Variants in PTPRG observed in about 807,000 individuals in gnomAD.
PTPRG encodes receptor-type tyrosine-protein phosphatase gamma.
In PTPRG, 102 loss-of-function variants were observed where a neutral mutation model predicts 165.3. The observed-to-expected ratio is 0.62, with a 90% CI of 0.53 to 0.73. PTPRG has a LOEUF of 0.73. PTPRG is among the 30% of genes least tolerant of loss of function. PTPRG has a pLI of 0.00. For missense variants in PTPRG, 1,866 were observed against 1,861.4 expected, an observed-to-expected ratio of 1.00 and a Z score of -0.05; for synonymous variants, 675 against 669.5, an observed-to-expected ratio of 1.01 and a Z score of -0.13.
intron 6 of PTPRG, among the ~76,000 whole-genome samples, chr3:62,138,081 G>A (rs35808528): frequency 0.048 from 7,361 of 152,250 alleles, 239 homozygotes; most frequent in Non-Finnish European, 0.063. Context: ...CTGCTGCACT[G>A]TATGTTCATT....
intron 2 of PTPRG, among the ~76,000 whole-genome samples, chr3:61,814,237 G>A (rs912588440): frequency 1.3e-5 from 2 of 152,172 alleles, no homozygotes; most frequent in African/African-American, 4.8e-5. Context: ...TTGATGGGGA[G>A]AAAGCTAAGG....
At chr3:61,843,579 T>C (rs182439269) in intron 2 of PTPRG, among the ~76,000 whole-genome samples, 2 of 152,314 alleles carry the variant, frequency 1.3e-5, no homozygotes, top group Non-Finnish European at 2.9e-5. Flanking sequence ...ATTTTAATAA[T>C]GTTGGCAGTT....
rs1054782699 is a variant in PTPRG at position 62,295,901 on chromosome 3, T to C, written c.*2594T>C. The C allele has an allele frequency of 6.6e-6, 1 of 152,106 alleles. No individual in the cohort carries two copies. The highest frequency in any genetic ancestry group is 1.5e-5 in the Non-Finnish European group (1 of 67,994). 9.4% of individuals were successfully genotyped at this position (152,106 alleles called of 1,614,324 possible). Reference sequence around the variant, plus strand: ...CAGAGTTTCAAAGACAGGGTTTTCTTTGAGACATAAGCACATTGCTTAAGT... The same window carrying C: ...CAGAGTTTCAAAGACAGGGTTTTCTCTGAGACATAAGCACATTGCTTAAGT... On this transcript the variant is annotated 3_prime_UTR_variant, in exon 30 of 30. Coordinates refer to ENST00000474889, the MANE Select transcript of PTPRG (RefSeq NM_002841.4).
chr3:61,576,303 A>C (rs1700172174), intron 1 of PTPRG, among the ~76,000 whole-genome samples: 1 of 152,160 alleles, frequency 6.6e-6, no homozygotes. Flanking sequence ...TCATATTCTC[A>C]TTGCTGAAAT....
chr3:61,656,066 G>A (rs969778349), intron 1 of PTPRG, among the ~76,000 whole-genome samples: 4 of 147,482 alleles, frequency 2.7e-5, no homozygotes, highest in African/African-American at 1.0e-4. Flanking sequence ...CATCTCTAAA[G>A]AAAATAAAAT....
intron 1 of PTPRG, among the ~76,000 whole-genome samples, chr3:61,691,102 G>A (rs964748902): frequency 1.3e-5 from 2 of 152,306 alleles, no homozygotes; most frequent in South Asian, 2.1e-4. Context: ...TGTTTAAGAT[G>A]TGGTTGGGTG....
At chr3:61,784,728 C>T (rs767605765) in intron 2 of PTPRG, among the ~76,000 whole-genome samples, 2 of 152,056 alleles carry the variant, frequency 1.3e-5, no homozygotes, top group Non-Finnish European at 2.9e-5. Flanking sequence ...ATATCGTTAC[C>T]AACCAAAATG....
At chr3:61,969,922 C>T (rs9833642) in intron 2 of PTPRG, among the ~76,000 whole-genome samples, 3 of 151,950 alleles carry the variant, frequency 2.0e-5, no homozygotes, top group African/African-American at 7.3e-5. Context: ...GGAAGTACAA[C>T]TTAATATGAA....
At chr3:62,248,728 C>T (rs1701346176) in intron 15 of PTPRG, among the ~76,000 whole-genome samples, 1 of 152,208 alleles carries the variant, frequency 6.6e-6, no homozygotes, top group Non-Finnish European at 1.5e-5. Flanking sequence ...AATATGCATA[C>T]TGTCAGACAC....
chr3:61,958,298 T>G (rs1355719628), intron 2 of PTPRG, among the ~76,000 whole-genome samples: 2 of 151,970 alleles, frequency 1.3e-5, no homozygotes, highest in East Asian at 3.9e-4. Context: ...GGCTAGTTCT[T>G]TTTGTATTTT....
intron 4 of PTPRG, among the ~76,000 whole-genome samples, chr3:62,073,863 A>G (rs750900877): frequency 6.6e-6 from 1 of 152,188 alleles, no homozygotes; most frequent in Non-Finnish European, 1.5e-5. Context: ...ACTGTTCCGG[A>G]TGAAGATGGG....
chr3:61,925,541 C>A (rs1032216101), intron 2 of PTPRG, among the ~76,000 whole-genome samples: 1 of 152,100 alleles, frequency 6.6e-6, no homozygotes, highest in Non-Finnish European at 1.5e-5. Flanking sequence ...GTGAGGAGTT[C>A]GAGACCAGCC....
intron 4 of PTPRG, among the ~76,000 whole-genome samples, chr3:62,017,812 C>T (rs2041590214): frequency 6.6e-6 from 1 of 152,146 alleles, no homozygotes; most frequent in Admixed American, 6.5e-5. Flanking sequence ...CAGATTGTTT[C>T]AATTAGTCAA....
intron 2 of PTPRG, among the ~76,000 whole-genome samples, chr3:61,798,619 G>GTTTTTTTT: frequency 7.8e-6 from 1 of 128,140 alleles, no homozygotes; most frequent in South Asian, 2.6e-4. Context: ...GTTGCTGCTG[G>GTTTTTTTT]TTTTTTTTTT....
At position 61,852,463 on chromosome 3, in the gene PTPRG, A is replaced by G. The variant is rs950025572; in HGVS notation, c.190+103481A>G. Among the ~76,000 whole-genome samples, 3 of 152,232 alleles carry G rather than the reference A, an allele frequency of 2.0e-5. No homozygotes were observed. The South Asian group carries it at 6.2e-4, about 32-fold the overall frequency. On this transcript the variant is annotated intron_variant, in intron 2 of 29. Transcript: ENST00000474889. ...CACAGATCTATGTTTAGACAAACCT[A>G]CTTGCATACTTCGGATTTTCTTACC...
intron 28 of PTPRG, among the ~76,000 whole-genome samples, chr3:62,287,205 C>T (rs1388240126): frequency 2.0e-5 from 3 of 152,080 alleles, no homozygotes; most frequent in Non-Finnish European, 4.4e-5. Flanking sequence ...TAAGTTTAAC[C>T]ATTTCACTAG....
At chr3:61,696,129 C>T (rs1000085827) in intron 1 of PTPRG, among the ~76,000 whole-genome samples, 1 of 152,118 alleles carries the variant, frequency 6.6e-6, no homozygotes, top group African/African-American at 2.4e-5. Flanking sequence ...ACTTGTAGTA[C>T]CCCAAAATTC....
chr3:61,759,860 C>G (rs1215072421), intron 2 of PTPRG, among the ~76,000 whole-genome samples: 1 of 151,600 alleles, frequency 6.6e-6, no homozygotes, highest in Non-Finnish European at 1.5e-5. Context: ...TAACATCTCT[C>G]TGTCACTTGC....
chr3:62,107,196 T>G (rs1455829392), intron 5 of PTPRG, among the ~76,000 whole-genome samples: 1 of 152,236 alleles, frequency 6.6e-6, no homozygotes, highest in Non-Finnish European at 1.5e-5. Flanking sequence ...CCAAATCTTG[T>G]CACTAGAATC....
Sources: allele counts gnomAD v4.1 joint callset (sites outside exome capture counted in the v4.1 genomes callset), GRCh38; gene constraint gnomAD v4.1.1; transcripts MANE v1.5; gene names NCBI Gene and HGNC (gene_info 2026-07-23, HGNC 2026-07-21).